The following SEC14L5 variants were observed in gnomAD, a reference collection of about 807,000 sequenced individuals.
SEC14L5 encodes the protein SEC14-like protein 5.
SEC14L5 carries 96 observed loss-of-function variants against 84.6 expected under a neutral mutation model. The observed-to-expected ratio is 1.13, with a 90% CI of 0.96 to 1.34. SEC14L5 has a LOEUF of 1.34. SEC14L5 is among the 40% of genes most tolerant of loss of function. The pLI is 0.00. For missense variants in SEC14L5, 1,224 were observed against 942.5 expected (o/e 1.30, Z -3.91); for synonymous variants, 546 against 383.4 (o/e 1.42, Z -4.95).
chr16:4,973,642 G>C (rs1293740511), intron 2 of SEC14L5, among the ~76,000 whole-genome samples: 1 of 151,634 alleles, frequency 6.6e-6, no homozygotes, highest in Non-Finnish European at 1.5e-5. Flanking sequence ...GTCAGAGGCA[G>C]AAGGCCATGT....
chr16:5,004,945 C>G (rs985415870), intron 11 of SEC14L5, among the ~76,000 whole-genome samples: 1 of 152,288 alleles, frequency 6.6e-6, no homozygotes, highest in East Asian at 1.9e-4. Context: ...GGAGGGACCT[C>G]GAAAACCTGA....
chr16:4,995,604 T>A (rs564099541), intron 6 of SEC14L5, among the ~76,000 whole-genome samples: 1 of 151,746 alleles, frequency 6.6e-6, no homozygotes, highest in Non-Finnish European at 1.5e-5. Context: ...AGGCCTCAGT[T>A]TTATCTTCTC....
intron 2 of SEC14L5, among the ~76,000 whole-genome samples, chr16:4,971,212 T>C (rs1347806211): frequency 1.3e-5 from 2 of 152,186 alleles, no homozygotes; most frequent in Non-Finnish European, 2.9e-5. Flanking sequence ...ATCGTAGCAC[T>C]TTGGAATGCT....
Position 4,971,660 on chromosome 16 carries a change from G to A in SEC14L5, c.63+12274G>A, listed in dbSNP as rs74005425. On this transcript the variant is annotated intron_variant, in intron 2 of 15. Coordinates refer to ENST00000251170, the MANE Select transcript of SEC14L5 (RefSeq NM_014692.2). ...CTCTGAAGGTAGAGCTTTGGGCTGC[G>A]CACCTGCTGATGTCCCCTGGGAGTG... is the stretch of plus-strand genomic sequence containing the variant. 1.8e-3 allele frequency among the ~76,000 whole-genome samples: 272 copies of A among 152,264 alleles called. 1 individual carries two copies. The highest frequency in any genetic ancestry group is 5.9e-3 in the African/African-American group (245 of 41,550).
chr16:5,013,742 G>T (rs1265018076), intron 15 of SEC14L5, among the ~76,000 whole-genome samples: 3 of 151,768 alleles, frequency 2.0e-5, no homozygotes, highest in Non-Finnish European at 4.4e-5. Flanking sequence ...TATTTTTAGT[G>T]GAGACAGGTT....
chr16:4,996,807 G>C (rs749369415), intron 7 of SEC14L5, 48 bp from the exon 8 acceptor site: 2 of 1,433,420 alleles, frequency 1.4e-6, no homozygotes, highest in Non-Finnish European at 1.9e-6. Context: ...TTTATCTGCT[G>C]GGTCAGGGGA....
chr16:5,013,926 C>T (rs934215007), intron 15 of SEC14L5, among the ~76,000 whole-genome samples: 1 of 152,170 alleles, frequency 6.6e-6, no homozygotes, highest in Non-Finnish European at 1.5e-5. Context: ...CTCCTGGCCT[C>T]AAGCGATCCC....
chr16:4,980,821 G>C (rs991754695), intron 2 of SEC14L5, among the ~76,000 whole-genome samples: 3 of 152,140 alleles, frequency 2.0e-5, no homozygotes, highest in Non-Finnish European at 4.4e-5. Flanking sequence ...AAGCCTGAGC[G>C]TCTCCTTGGC....
chr16:5,011,328 C>T, intron 15 of SEC14L5, 55 bp downstream of exon 15: 1 of 1,543,686 alleles, frequency 6.5e-7, no homozygotes, highest in African/African-American at 1.4e-5. Context: ...GGCTGATTGA[C>T]AATGCAGATG....
chr16:4,994,160 A>C (rs1331055004), intron 6 of SEC14L5, among the ~76,000 whole-genome samples: 1 of 152,110 alleles, frequency 6.6e-6, no homozygotes, highest in Non-Finnish European at 1.5e-5. Context: ...CTAGGATACA[A>C]ATTGTATGTA....
chr16:5,004,926 C>T (rs547055530), intron 11 of SEC14L5, among the ~76,000 whole-genome samples: 2 of 152,336 alleles, frequency 1.3e-5, no homozygotes, highest in South Asian at 4.1e-4. Context: ...AGCACTGATC[C>T]TCCAACACGG....
intron 2 of SEC14L5, 84 bp downstream of exon 2, chr16:4,959,470 T>C (rs1426211771): frequency 8.6e-7 from 1 of 1,156,130 alleles, no homozygotes; most frequent in East Asian, 2.3e-5. Flanking sequence ...ACGGAGCTCC[T>C]TAGACTCCCA....
intron 2 of SEC14L5, among the ~76,000 whole-genome samples, chr16:4,982,238 G>A (rs1446613960): frequency 6.6e-6 from 1 of 152,148 alleles, no homozygotes; most frequent in Non-Finnish European, 1.5e-5. Context: ...CTCTTCCTGG[G>A]AGCCAGGAGG....
At chr16:5,005,461 C>T (rs908695035) in intron 11 of SEC14L5, among the ~76,000 whole-genome samples, 3 of 151,952 alleles carry the variant, frequency 2.0e-5, no homozygotes, top group African/African-American at 7.3e-5. Context: ...ATGAACATGT[C>T]TAGGTAGAGG....
rs138966680 is a variant in SEC14L5 at position 4,998,223 on chromosome 16, C to A, written c.970+1179C>A. 6.1e-3 allele frequency among the ~76,000 whole-genome samples: 921 copies of A among 151,394 alleles called. 10 individuals carry two copies. Among genetic ancestry groups the A allele is most frequent in the African/African-American group, 0.02 (835 of 41,350 alleles). On this transcript the variant is annotated intron_variant, in intron 8 of 15. Coordinates refer to ENST00000251170, the MANE Select transcript of SEC14L5 (RefSeq NM_014692.2). The stretch of plus-strand genomic sequence containing the variant: ...GTTTCACCATGTTGGCCAGGCTGTT[C>A]TTGGAACTCCTGACCTCAAGTGATC...
rs1158975283 is a variant in SEC14L5, at chr16:5,018,898, G to T, written c.*3928G>T. The T allele has an allele frequency of 6.6e-6, 1 of 152,224 alleles. No individual in the cohort carries two copies. Among genetic ancestry groups the T allele is most frequent in the Non-Finnish European group, 1.5e-5 (1 of 68,048 alleles). 9.4% of individuals were successfully genotyped at this position (152,224 alleles called of 1,614,324 possible). The stretch of plus-strand genomic sequence containing the variant: ...TTTTCAACAAAGTCTCTTTGAGCCA[G>T]TGAAACACGATGGGTTTTTTTGTTT... On this transcript the variant is annotated 3_prime_UTR_variant, in exon 16 of 16. Transcript: ENST00000251170.
chr16:4,960,962 G>A (rs1004399171), intron 2 of SEC14L5, among the ~76,000 whole-genome samples: 34 of 152,112 alleles, frequency 2.2e-4, no homozygotes, highest in African/African-American at 2.4e-5. Flanking sequence ...TGCTCTGGTT[G>A]TATGTTTTTA....
chr16:4,958,914 C>G (rs1391690304), intron 1 of SEC14L5, among the ~76,000 whole-genome samples: 2 of 151,288 alleles, frequency 1.3e-5, no homozygotes, highest in Non-Finnish European at 2.9e-5. Context: ...AAGTCTGTGG[C>G]AAGCTGCGGG....
chr16:4,965,477 C>T (rs775166792), intron 2 of SEC14L5, among the ~76,000 whole-genome samples: 8 of 151,244 alleles, frequency 5.3e-5, no homozygotes, highest in South Asian at 2.1e-4. Flanking sequence ...CTGGCTAACA[C>T]GGTGAAACCG....
Sources: allele counts gnomAD v4.1 joint callset (sites outside exome capture counted in the v4.1 genomes callset), GRCh38; gene constraint gnomAD v4.1.1; transcripts MANE v1.5; gene names NCBI Gene and HGNC (gene_info 2026-07-23, HGNC 2026-07-21).